MAF: variants seen among roughly 807,000 people sequenced by gnomAD.
MAF encodes MAF bZIP transcription factor, also known as transcription factor Maf.
MAF carries 10 observed loss-of-function variants against 22.0 expected under a neutral mutation model. That is an observed-to-expected ratio of 0.45 (90% CI 0.28 to 0.77). The LOEUF is 0.77. Among genes scored for constraint, MAF ranks in the 30% least tolerant of loss-of-function variants. The probability of loss-of-function intolerance (pLI) is 0.12; values close to 1 mark genes in which losing one functional copy is unlikely to be tolerated. For synonymous variants in MAF, 337 were observed against 255.8 expected, an observed-to-expected ratio of 1.32 and a Z score of -3.03; for missense variants, 544 against 548.4, an observed-to-expected ratio of 0.99 and a Z score of 0.08.
the MAF span, among the ~76,000 whole-genome samples, chr16:79,363,596 T>G: frequency 6.6e-6 from 1 of 152,184 alleles, no homozygotes; most frequent in Non-Finnish European, 1.5e-5. Flanking sequence ...CATTTTAAAG[T>G]TGAAATATTA....
At chr16:79,428,245 G>A in the MAF span, among the ~76,000 whole-genome samples, 1 of 152,072 alleles carries the variant, frequency 6.6e-6, no homozygotes, top group Admixed American at 6.5e-5. Flanking sequence ...ATGTAGGGGG[G>A]TTCCCAGTCT....
the MAF span, among the ~76,000 whole-genome samples, chr16:79,223,315 G>A: frequency 6.6e-6 from 1 of 152,146 alleles, no homozygotes; most frequent in South Asian, 2.1e-4. Context: ...TCAAACCAAT[G>A]AGAACAAAGA....
chr16:79,291,538 TGTAACTA>T, the MAF span, among the ~76,000 whole-genome samples: 1 of 151,672 alleles, frequency 6.6e-6, no homozygotes, highest in African/African-American at 2.4e-5. Flanking sequence ...CTAAGACCTT[TGTAACTA>T]GTTGCTCATA....
At chr16:79,291,360 G>C in the MAF span, among the ~76,000 whole-genome samples, 1 of 152,150 alleles carries the variant, frequency 6.6e-6, no homozygotes, top group African/African-American at 2.4e-5. Context: ...CAGGTGTCAT[G>C]TCACCTTGTT....
chr16:79,590,417 A>C (rs1913125569), downstream of MAF, among the ~76,000 whole-genome samples: 1 of 152,130 alleles, frequency 6.6e-6, no homozygotes, highest in African/African-American at 2.4e-5. Flanking sequence ...CTACACTTAA[A>C]GTGGGGCGGA....
the MAF span, among the ~76,000 whole-genome samples, chr16:79,579,539 T>C: frequency 6.6e-6 from 1 of 152,290 alleles, no homozygotes; most frequent in Non-Finnish European, 1.5e-5. Flanking sequence ...CAAGTCACTT[T>C]ATTGCAGCTT....
At chr16:79,525,386 G>A in the MAF span, among the ~76,000 whole-genome samples, 2 of 152,126 alleles carry the variant, frequency 1.3e-5, no homozygotes, top group African/African-American at 2.4e-5. Context: ...CCATGCGCTC[G>A]GAGGGGACAG....
chr16:79,579,179 C>G, the MAF span, among the ~76,000 whole-genome samples: 2 of 152,084 alleles, frequency 1.3e-5, no homozygotes, highest in Admixed American at 6.5e-5. Flanking sequence ...CTCTTTGATG[C>G]AAAAATAATA....
At chr16:79,320,760 G>C in the MAF span, among the ~76,000 whole-genome samples, 1 of 152,136 alleles carries the variant, frequency 6.6e-6, no homozygotes, top group African/African-American at 2.4e-5. Context: ...TGTTTGGCAG[G>C]GCTTGGCACT....
At chr16:79,523,340 C>T in the MAF span, among the ~76,000 whole-genome samples, 4 of 152,182 alleles carry the variant, frequency 2.6e-5, no homozygotes, top group African/African-American at 9.7e-5. Flanking sequence ...AGGGAGACTA[C>T]AGAGGACTTT....
At chr16:79,597,252 T>C (rs934546575) in intron 1 of MAF, 4 of 1,048,642 alleles carry the variant, frequency 3.8e-6, no homozygotes, top group Non-Finnish European at 4.6e-6. Flanking sequence ...AACATTCCTT[T>C]ATCTGTAGCA....
At chr16:79,473,540 G>C in the MAF span, among the ~76,000 whole-genome samples, 4 of 152,226 alleles carry the variant, frequency 2.6e-5, no homozygotes, top group African/African-American at 9.6e-5. Flanking sequence ...AGATAAAATG[G>C]CATGGAGAGA....
chr16:79,556,220 G>A, the MAF span, among the ~76,000 whole-genome samples: 1 of 152,150 alleles, frequency 6.6e-6, no homozygotes, highest in Admixed American at 6.5e-5. Flanking sequence ...ATATCATCCA[G>A]TCAATAATAT....
chr16:79,325,139 T>A, the MAF span, among the ~76,000 whole-genome samples: 6 of 152,226 alleles, frequency 3.9e-5, no homozygotes, highest in Non-Finnish European at 7.3e-5. Flanking sequence ...AGACTCTTTT[T>A]ACAAATAAGG....
chr16:79,344,377 T>C, the MAF span, among the ~76,000 whole-genome samples: 2 of 152,216 alleles, frequency 1.3e-5, no homozygotes, highest in Non-Finnish European at 2.9e-5. Flanking sequence ...CTGGTGGGTA[T>C]AAATCTCTTG....
chr16:79,398,451 G>C, the MAF span, among the ~76,000 whole-genome samples: 1 of 152,104 alleles, frequency 6.6e-6, no homozygotes, highest in Non-Finnish European at 1.5e-5. Flanking sequence ...TTTAGGATGT[G>C]GGGCAGGGAT....
the MAF span, among the ~76,000 whole-genome samples, chr16:79,533,041 C>G: frequency 1.3e-5 from 2 of 152,308 alleles, no homozygotes; most frequent in South Asian, 2.1e-4. Flanking sequence ...ATGACTAATA[C>G]AGGAATGCCC....
chr16:79,430,464 G>A, the MAF span, among the ~76,000 whole-genome samples: 4 of 152,172 alleles, frequency 2.6e-5, no homozygotes, highest in African/African-American at 9.7e-5. Flanking sequence ...CTGTCACTCC[G>A]CAGAACTGTT....
the MAF span, among the ~76,000 whole-genome samples, chr16:79,531,869 G>A: frequency 6.8e-6 from 1 of 147,452 alleles, no homozygotes; most frequent in East Asian, 1.9e-4. Flanking sequence ...TTAGAAAATA[G>A]GCATCAGTGA....
Sources: gnomAD v4.1 joint callset for allele counts (sites outside exome capture counted in the v4.1 genomes callset) on GRCh38, gnomAD v4.1.1 for gene constraint, MANE v1.5 for transcripts, NCBI Gene and HGNC (gene_info 2026-07-23, HGNC 2026-07-21) for gene names.